DOCK9: variants seen among roughly 807,000 people sequenced by gnomAD.
The protein encoded by DOCK9 is dedicator of cytokinesis 9.
Under a neutral mutation model 263.3 loss-of-function variants are expected in DOCK9, and 89 were observed. The observed-to-expected ratio is 0.34, with a 90% CI of 0.28 to 0.40. The LOEUF (loss-of-function observed/expected upper bound fraction) is 0.40. DOCK9 is among the 10% of genes least tolerant of loss of function. The pLI is 1.00. For synonymous variants in DOCK9, 976 were observed against 973.1 expected (o/e 1.00, Z -0.06); for missense variants, 2,140 against 2,603.4 (o/e 0.82, Z 3.87).
chr13:98,823,170 T>A (rs1566606727), intron 45 of DOCK9, among the ~76,000 whole-genome samples: 1 of 152,162 alleles, frequency 6.6e-6, no homozygotes, highest in Non-Finnish European at 1.5e-5. Context: ...TTTCCATTTT[T>A]ACAACTCTCT....
At chr13:98,986,043 T>G (rs1214120278) in intron 1 of DOCK9, among the ~76,000 whole-genome samples, 1 of 152,248 alleles carries the variant, frequency 6.6e-6, no homozygotes, top group Non-Finnish European at 1.5e-5. Context: ...TCAAAACTTT[T>G]TAAAAAGCGC....
intron 33 of DOCK9, chr13:98,858,108 C>T (rs777439856): frequency 4.6e-5 from 7 of 151,996 alleles, no homozygotes; most frequent in African/African-American, 1.2e-4. Flanking sequence ...GATGGAAATG[C>T]AATATATCAA....
rs1165524017 is a variant in DOCK9 at position 98,831,513 on chromosome 13, A to G, written c.4470T>C (p.Tyr1490=). 17 of 1,587,208 alleles carry G rather than the reference A, an allele frequency of 1.1e-5. No individual in the cohort carries two copies. Among genetic ancestry groups the G allele is most frequent in the Non-Finnish European group, 1.5e-5 (17 of 1,166,234 alleles). The change falls in exon 41 of 53, where the codon TAT becomes TAC. Residue 1490 remains tyrosine (Y), a synonymous_variant. Transcript: ENST00000682017. ...CCGCACACATGTCCGCTCTCCCTTC[A>G]TAGAATGTTGAGGGAAACTAGACAG... is the stretch of plus-strand genomic sequence containing the variant. ...SLIYKFPSTF[Y]EGRADMCAAL... is the part of the protein sequence containing the mutation.
chr13:98,977,490 A>G (rs1349895893), intron 1 of DOCK9, among the ~76,000 whole-genome samples: 2 of 152,202 alleles, frequency 1.3e-5, no homozygotes, highest in East Asian at 3.8e-4. Flanking sequence ...CTGGGTTTAC[A>G]TTTGCAAACA....
chr13:99,030,086 G>T (rs1186440998), intron 1 of DOCK9, among the ~76,000 whole-genome samples: 1 of 152,250 alleles, frequency 6.6e-6, no homozygotes, highest in Non-Finnish European at 1.5e-5. Context: ...TCTGTAGACA[G>T]ATTAGTGGTT....
chr13:98,999,209 A>G (rs143339372), intron 1 of DOCK9, among the ~76,000 whole-genome samples: 108 of 152,094 alleles, frequency 7.1e-4, no homozygotes, highest in African/African-American at 2.3e-3. Context: ...CTTCTTGTTC[A>G]CATGTTCAGA....
intron 48 of DOCK9, among the ~76,000 whole-genome samples, chr13:98,806,033 T>A (rs1031040013): frequency 6.6e-6 from 1 of 152,246 alleles, no homozygotes; most frequent in African/African-American, 2.4e-5. Context: ...GTGCTGGTTT[T>A]CTTATTGAAT....
chr13:98,986,913 GT>G (rs1387556501), intron 1 of DOCK9, among the ~76,000 whole-genome samples: 5 of 152,178 alleles, frequency 3.3e-5, no homozygotes, highest in Admixed American at 2.0e-4. Flanking sequence ...AACATGGCAG[GT>G]GAGGAGGGTG....
chr13:98,855,995 C>T lies in DOCK9; in HGVS notation c.3734G>A (p.Ser1245Asn). ...PYTTSTPNIN[S>N]VRNADSRGSL... ...TCCTCTCGAATCAGCATTTCTCACA[C>T]TGTTGATGTTTGGAGTTGAGGTTGT... The change falls in exon 34 of 53, where the codon AGT becomes AAT. Residue 1245 changes from serine (S) to asparagine (N), a missense_variant. Ser to Asn is a conservative substitution (Grantham distance 46, BLOSUM62 1). Coordinates refer to ENST00000682017, the MANE Select transcript of DOCK9 (RefSeq NM_001366683.2). 6.2e-7 allele frequency: 1 copy of T among 1,613,958 alleles called. No individual in the cohort carries two copies. Among genetic ancestry groups the T allele is most frequent in the African/African-American group, 1.3e-5 (1 of 75,060 alleles).
At chr13:98,925,201 T>C (rs904873136) in intron 4 of DOCK9, among the ~76,000 whole-genome samples, 4 of 152,024 alleles carry the variant, frequency 2.6e-5, no homozygotes, top group Admixed American at 2.6e-4. Context: ...TAAATCTCTT[T>C]TCTTTAGAAA....
chr13:98,904,010 G>A (rs936498448), intron 10 of DOCK9, among the ~76,000 whole-genome samples: 16 of 152,320 alleles, frequency 1.1e-4, no homozygotes, highest in African/African-American at 2.4e-4. Flanking sequence ...CAAAGTTTCC[G>A]TGTGGGAAAA....
intron 37 of DOCK9, chr13:98,846,413 A>G (rs141898338): frequency 1.0e-6 from 1 of 967,134 alleles, no homozygotes; most frequent in Non-Finnish European, 1.5e-6. Context: ...TATGTTCTGA[A>G]AAAGCAAAAG....
intron 1 of DOCK9, among the ~76,000 whole-genome samples, chr13:98,989,832 A>C (rs947860874): frequency 2.0e-5 from 3 of 152,158 alleles, no homozygotes; most frequent in Non-Finnish European, 4.4e-5. Context: ...ATGCTATACA[A>C]AGTCTTAGAA....
chr13:98,974,578 C>T (rs534635686), intron 1 of DOCK9, among the ~76,000 whole-genome samples: 8 of 151,900 alleles, frequency 5.3e-5, no homozygotes, highest in East Asian at 1.9e-4. Context: ...GATGACACCA[C>T]GTCTCTACTA....
chr13:98,796,539 A>G (rs529624860), intron 52 of DOCK9, among the ~76,000 whole-genome samples: 1 of 152,342 alleles, frequency 6.6e-6, no homozygotes, highest in Non-Finnish European at 1.5e-5. Flanking sequence ...GAGCCCACAC[A>G]TAGAATCCTA....
intron 1 of DOCK9, among the ~76,000 whole-genome samples, chr13:99,063,718 A>G (rs1481241922): frequency 2.0e-5 from 3 of 152,246 alleles, no homozygotes; most frequent in Non-Finnish European, 4.4e-5. Flanking sequence ...AATGAAATAA[A>G]AAACAAACCC....
intron 39 of DOCK9, among the ~76,000 whole-genome samples, chr13:98,837,279 C>T (rs1196865165): frequency 6.6e-6 from 1 of 152,208 alleles, no homozygotes; most frequent in East Asian, 1.9e-4. Flanking sequence ...GCGCGCAGCA[C>T]ACACTGACCA....
At chr13:99,036,608 C>T (rs991092001) in intron 1 of DOCK9, among the ~76,000 whole-genome samples, 3 of 152,182 alleles carry the variant, frequency 2.0e-5, no homozygotes, top group Non-Finnish European at 4.4e-5. Context: ...GTGGAGTGAT[C>T]TTGGCTCACT....
At chr13:98,931,567 GGATTACAGGCGT>G (rs1313070263) in intron 2 of DOCK9, among the ~76,000 whole-genome samples, 1 of 150,990 alleles carries the variant, frequency 6.6e-6, no homozygotes, top group Admixed American at 6.6e-5. Flanking sequence ...CAAAGTGCTG[GGATTACAGGCGT>G]GAGCCACTGC....
Sources: allele counts gnomAD v4.1 joint callset (sites outside exome capture counted in the v4.1 genomes callset), GRCh38; gene constraint gnomAD v4.1.1; transcripts MANE v1.5; gene names NCBI Gene and HGNC (gene_info 2026-07-23, HGNC 2026-07-21).